Variants in C7orf78 observed in about 807,000 individuals in gnomAD.
C7orf78 encodes putative uncharacterized protein C7orf78.
chr7:12,511,174 G>C, the C7orf78 span, among the ~76,000 whole-genome samples: 1 of 152,168 alleles, frequency 6.6e-6, no homozygotes, highest in East Asian at 1.9e-4. Flanking sequence ...TGGTGGCTTT[G>C]AGGAAGATAA....
the C7orf78 span, among the ~76,000 whole-genome samples, chr7:12,540,341 A>G: frequency 6.6e-6 from 1 of 152,224 alleles, no homozygotes; most frequent in African/African-American, 2.4e-5. Context: ...GCTAATACAG[A>G]AGGAAAAGTT....
chr7:12,494,844 C>T, the C7orf78 span, among the ~76,000 whole-genome samples: 1 of 152,132 alleles, frequency 6.6e-6, no homozygotes, highest in East Asian at 1.9e-4. Flanking sequence ...CAAACTCAAC[C>T]TACCACTGAA....
the C7orf78 span, among the ~76,000 whole-genome samples, chr7:12,505,853 G>C: frequency 5.3e-5 from 8 of 152,100 alleles, no homozygotes; most frequent in Admixed American, 2.0e-4. Flanking sequence ...AAAGACATAT[G>C]TGATTCTGTG....
At chr7:12,492,779 C>A in the C7orf78 span, among the ~76,000 whole-genome samples, 2 of 152,194 alleles carry the variant, frequency 1.3e-5, no homozygotes, top group African/African-American at 4.8e-5. Context: ...TAAAACAGGT[C>A]TCTGTTTACT....
chr7:12,499,098 A>G, the C7orf78 span, among the ~76,000 whole-genome samples: 334 of 152,302 alleles, frequency 2.2e-3, no homozygotes, highest in Non-Finnish European at 3.6e-3. Context: ...TAAACATGGA[A>G]AGGAACAACC....
the C7orf78 span, among the ~76,000 whole-genome samples, chr7:12,495,681 A>G: frequency 6.6e-6 from 1 of 152,198 alleles, no homozygotes; most frequent in Non-Finnish European, 1.5e-5. Context: ...AACACTATTT[A>G]AAGCCTATTT....
the C7orf78 span, among the ~76,000 whole-genome samples, chr7:12,494,596 G>A: frequency 1.3e-5 from 2 of 148,362 alleles, no homozygotes; most frequent in Non-Finnish European, 3.0e-5. Flanking sequence ...ATTATTAGGT[G>A]TATTTTACTC....
the C7orf78 span, among the ~76,000 whole-genome samples, chr7:12,513,914 G>A: frequency 6.6e-6 from 1 of 152,076 alleles, no homozygotes; most frequent in Non-Finnish European, 1.5e-5. Context: ...GCAGGAGAAT[G>A]GTGTAAACCC....
chr7:12,528,742 G>C, the C7orf78 span, among the ~76,000 whole-genome samples: 1 of 152,200 alleles, frequency 6.6e-6, no homozygotes, highest in South Asian at 2.1e-4. Context: ...AGCAGGACTG[G>C]CAGAAAGAAT....
chr7:12,530,395 A>G, the C7orf78 span: 2 of 152,206 alleles, frequency 1.3e-5, no homozygotes, highest in Non-Finnish European at 2.9e-5. Context: ...AGGGCCTGCT[A>G]TCTGTCATGT....
At chr7:12,531,165 T>G in the C7orf78 span, 9 of 397,450 alleles carry the variant, frequency 2.3e-5, no homozygotes, top group Middle Eastern at 6.3e-4. Flanking sequence ...AATTTCTGTT[T>G]TAAATAAAAC....
At chr7:12,535,922 C>G in the C7orf78 span, among the ~76,000 whole-genome samples, 8 of 152,350 alleles carry the variant, frequency 5.3e-5, no homozygotes, top group African/African-American at 1.9e-4. Context: ...TTCCCATGGA[C>G]TTGGGCAGCT....
the C7orf78 span, among the ~76,000 whole-genome samples, chr7:12,530,115 A>G: frequency 6.6e-6 from 1 of 152,122 alleles, no homozygotes; most frequent in Non-Finnish European, 1.5e-5. Flanking sequence ...CCTCAGATTC[A>G]AAGATTCCCC....
chr7:12,499,440 A>C, the C7orf78 span, among the ~76,000 whole-genome samples: 5 of 150,694 alleles, frequency 3.3e-5, no homozygotes, highest in Admixed American at 2.6e-4. Context: ...CTAGTCTCTG[A>C]TAAAACAGAC....
At chr7:12,536,439 C>T in the C7orf78 span, among the ~76,000 whole-genome samples, 1 of 152,082 alleles carries the variant, frequency 6.6e-6, no homozygotes, top group Non-Finnish European at 1.5e-5. Context: ...GGACCCTGGT[C>T]CTGGCCCATG....
chr7:12,518,785 G>A, the C7orf78 span, among the ~76,000 whole-genome samples: 2 of 152,050 alleles, frequency 1.3e-5, no homozygotes, highest in Non-Finnish European at 2.9e-5. Context: ...GTGATGGTTG[G>A]TGTGGATACC....
the C7orf78 span, among the ~76,000 whole-genome samples, chr7:12,499,946 A>G: frequency 7.8e-6 from 1 of 128,290 alleles, no homozygotes; most frequent in African/African-American, 3.0e-5. Flanking sequence ...CCGCTCATCT[A>G]CATGGAAACT....
chr7:12,527,821 T>C, the C7orf78 span, among the ~76,000 whole-genome samples: 9,928 of 147,020 alleles, frequency 0.068, no homozygotes, highest in African/African-American at 0.14. Flanking sequence ...TTTCCTAGTA[T>C]ATGCTATGTG....
the C7orf78 span, among the ~76,000 whole-genome samples, chr7:12,511,918 A>ATTTTTTTTTTT: frequency 5.0e-5 from 4 of 80,578 alleles, no homozygotes; most frequent in African/African-American, 1.8e-4. Context: ...CACCTGGCTA[A>ATTTTTTTTTTT]TTTTTTTTTT....
Sources: gnomAD v4.1 joint callset for allele counts (sites outside exome capture counted in the v4.1 genomes callset) on GRCh38, gnomAD v4.1.1 for gene constraint, MANE v1.5 for transcripts, NCBI Gene and HGNC (gene_info 2026-07-23, HGNC 2026-07-21) for gene names.